The following PHKA2 variants were observed in gnomAD, a reference collection of about 807,000 sequenced individuals.
PHKA2 encodes the protein phosphorylase b kinase regulatory subunit alpha, liver isoform.
Under a neutral mutation model 102.0 loss-of-function variants are expected in PHKA2, and 31 were observed. The ratio of observed to expected loss-of-function variants is 0.30; its 90% CI spans 0.23 to 0.41. PHKA2 has a LOEUF of 0.41. PHKA2 is among the 10% of genes least tolerant of loss of function. The probability of loss-of-function intolerance (pLI) is 1.00; values close to 1 mark genes in which losing one functional copy is unlikely to be tolerated. For synonymous variants in PHKA2, 455 were observed against 416.2 expected, an observed-to-expected ratio of 1.09 and a Z score of -1.13; for missense variants, 858 against 1,023.1, an observed-to-expected ratio of 0.84 and a Z score of 2.20.
intron 7 of PHKA2, 39 bp from the exon 8 acceptor site, chrX:18,941,714 C>T (rs763573737): frequency 7.1e-6 from 7 of 980,128 alleles, no homozygotes; most frequent in Non-Finnish European, 1.0e-5. Context: ...CCTGGAGATG[C>T]GCTAATAGGC....
Position 18,897,119 on chromosome X carries a change from T to C in PHKA2, c.3282+44A>G, listed in dbSNP as rs781627129. On this transcript the variant is annotated intron_variant, in intron 30 of 32. Coordinates refer to ENST00000379942, the MANE Select transcript of PHKA2 (RefSeq NM_000292.3). ...GTGCCACCATGCCTTGCCAGGACAG[T>C]AAGGGGACGGTTCACTTCCCCAGGA... The C allele has an allele frequency of 1.3e-5, 15 of 1,188,600 alleles. No homozygotes were observed. The East Asian group carries it at 4.2e-4, about 33-fold the overall frequency.
At position 18,893,279 on chromosome X, in the gene PHKA2, C is replaced by CG; in HGVS notation, c.*205dup. The stretch of plus-strand genomic sequence containing the variant: ...GAAAATGATCCCGGGGTGCTCCTTG[C>CG]GGGGGAACACAGGACTCCTCAGCTC... On this transcript the variant is annotated 3_prime_UTR_variant, in exon 33 of 33. Transcript: ENST00000379942. 3 of 460,653 alleles carry CG rather than the reference C, an allele frequency of 6.5e-6. No homozygotes were observed. The highest frequency in any genetic ancestry group is 3.7e-5 in the East Asian group (1 of 26,760). The allele number at this position is 460,653 out of a possible 1,213,427, so 38.0% of individuals were successfully genotyped here. A position where few individuals can be genotyped will look rare whatever the true frequency, so the allele number is the denominator to read the frequency against.
intron 4 of PHKA2, among the ~76,000 whole-genome samples, chrX:18,950,098 G>A (rs975479985): frequency 9.0e-5 from 10 of 111,707 alleles, no homozygotes; most frequent in African/African-American, 3.3e-4. Context: ...GAAAGAGAGA[G>A]GCCTGGCGTC....
At chrX:18,971,676 G>A (rs991085356) in intron 1 of PHKA2, among the ~76,000 whole-genome samples, 1 of 112,583 alleles carries the variant, frequency 8.9e-6, no homozygotes, top group African/African-American at 3.2e-5. Flanking sequence ...TTAGGATTAA[G>A]CTTTTGTATT....
At chrX:18,895,285 T>C in intron 30 of PHKA2, 94 bp from the exon 31 acceptor site, 1 of 822,145 alleles carries the variant, frequency 1.2e-6, no homozygotes, top group Non-Finnish European at 1.8e-6. Context: ...CAGCACCCTC[T>C]GCCCTGGAAA....
rs375028038 is a variant in PHKA2 at position 18,935,989 on chromosome X, C to T, written c.1137+66G>A. On this transcript the variant is annotated intron_variant, in intron 11 of 32. Coordinates refer to ENST00000379942, the MANE Select transcript of PHKA2 (RefSeq NM_000292.3). ...CGAAAAAGGGGATAAAGAATACCAA[C>T]AGGCCAAGCAATGAGTCACTTATTT... The T allele has an allele frequency of 1.5e-4, 105 of 723,531 alleles. No homozygotes were observed. The East Asian group carries it at 2.9e-3, about 20-fold the overall frequency. 59.6% of individuals were successfully genotyped at this position (723,531 alleles called of 1,213,427 possible).
rs183257650 is a variant in PHKA2 at position 18,921,895 on chromosome X, C to T, written c.1794-1694G>A. 1.9e-4 allele frequency among the ~76,000 whole-genome samples: 21 copies of T among 112,642 alleles called. No individual in the cohort carries two copies. The East Asian group carries it at 5.0e-3, about 27-fold the overall frequency. On this transcript the variant is annotated intron_variant, in intron 17 of 32. Coordinates refer to ENST00000379942, the MANE Select transcript of PHKA2 (RefSeq NM_000292.3). ...TGAGACAACACATTGAATACACGGC[C>T]AGTGCTCAGTGAACTGCAGACAATT...
chrX:18,979,516 T>A (rs1426413953), intron 1 of PHKA2, among the ~76,000 whole-genome samples: 4 of 112,066 alleles, frequency 3.6e-5, no homozygotes, highest in Admixed American at 9.5e-5. Context: ...GAAAAAAATG[T>A]ACAAAGTTCA....
intron 1 of PHKA2, among the ~76,000 whole-genome samples, chrX:18,979,787 AT>A (rs1232470553): frequency 2.7e-5 from 3 of 110,842 alleles, no homozygotes; most frequent in African/African-American, 9.7e-5. Flanking sequence ...TAATAATTTA[AT>A]TTAATAATTA....
At chrX:18,912,793 C>T (rs1268486263) in intron 19 of PHKA2, among the ~76,000 whole-genome samples, 2 of 111,134 alleles carry the variant, frequency 1.8e-5, no homozygotes, top group African/African-American at 6.5e-5. Context: ...TGCCTGTAAT[C>T]CCAGCTACTC....
chrX:18,894,523 C>T (rs1031966127), intron 31 of PHKA2, 119 bp from the exon 32 acceptor site: 27 of 622,608 alleles, frequency 4.3e-5, no homozygotes, highest in Middle Eastern at 3.6e-4. Context: ...AGCGCCACTG[C>T]TGCCCCTTTT....
intron 8 of PHKA2, among the ~76,000 whole-genome samples, chrX:18,940,277 G>C (rs2048470939): frequency 1.8e-5 from 2 of 112,096 alleles, no homozygotes; most frequent in African/African-American, 3.2e-5. Context: ...TATCAGGGCT[G>C]CAAGAGTTAT....
At chrX:18,966,961 G>T (rs1429119419) in intron 1 of PHKA2, among the ~76,000 whole-genome samples, 1 of 111,680 alleles carries the variant, frequency 9.0e-6, no homozygotes, top group East Asian at 2.8e-4. Flanking sequence ...AATGGTGGTG[G>T]TGACAGAGGA....
At chrX:18,939,062 T>C (rs1483794681) in intron 9 of PHKA2, among the ~76,000 whole-genome samples, 1 of 112,637 alleles carries the variant, frequency 8.9e-6, no homozygotes, top group Non-Finnish European at 1.9e-5. Context: ...TATTAGTCAG[T>C]GTGGCAAAGA....
rs984384672 is a variant in PHKA2 at position 18,893,122 on chromosome X, G to GTAAC, written c.*359_*362dup. On this transcript the variant is annotated 3_prime_UTR_variant, in exon 33 of 33. Transcript: ENST00000379942. ...TCACTAGCTCATCGAAACTATTTCT[G>GTAAC]TAACTCTCTGCAAGAGCCAATTTAA... 4.1e-5 allele frequency: 11 copies of GTAAC among 270,176 alleles called. No individual in the cohort carries two copies. The highest frequency in any genetic ancestry group is 4.7e-5 in the Non-Finnish European group (7 of 148,271). The allele number at this position is 270,176 out of a possible 1,213,427, so 22.3% of individuals were successfully genotyped here.
chrX:18,922,062 C>T (rs1319825350), intron 17 of PHKA2, among the ~76,000 whole-genome samples: 4 of 111,591 alleles, frequency 3.6e-5, no homozygotes, highest in African/African-American at 1.3e-4. Context: ...GCCTGGCCAA[C>T]ATGGTGAAAC....
intron 1 of PHKA2, among the ~76,000 whole-genome samples, chrX:18,964,648 AAG>A (rs1237148224): frequency 1.8e-5 from 2 of 112,535 alleles, no homozygotes; most frequent in Non-Finnish European, 3.7e-5. Context: ...TGAAATATTA[AAG>A]AGGAGTGGGG....
chrX:18,898,478 C>T (rs953560341), intron 29 of PHKA2, among the ~76,000 whole-genome samples: 5 of 113,008 alleles, frequency 4.4e-5, no homozygotes, highest in Non-Finnish European at 5.6e-5. Flanking sequence ...TTTTGTTTCT[C>T]GATAGTGCCA....
At chrX:18,910,756 C>T (rs755886853) in intron 20 of PHKA2, 116 bp downstream of exon 20, 1 of 476,075 alleles carries the variant, frequency 2.1e-6, no homozygotes, top group Admixed American at 2.5e-5. Flanking sequence ...CTGAAAGGTC[C>T]CTGATATCGA....
Sources: allele counts gnomAD v4.1 joint callset (sites outside exome capture counted in the v4.1 genomes callset), GRCh38; gene constraint gnomAD v4.1.1; transcripts MANE v1.5; gene names NCBI Gene and HGNC (gene_info 2026-07-23, HGNC 2026-07-21).